CLIC4: variants seen among roughly 807,000 people sequenced by gnomAD.
The protein encoded by CLIC4 is CLIC family member 4.
Under a neutral mutation model 24.6 loss-of-function variants are expected in CLIC4, and 13 were observed. The ratio of observed to expected loss-of-function variants is 0.53; its 90% confidence interval spans 0.34 to 0.84. The LOEUF (loss-of-function observed/expected upper bound fraction) is 0.84. Ranked by LOEUF, CLIC4 falls within the 40% of genes least tolerant of loss-of-function variation. The probability of loss-of-function intolerance (pLI) is 0.01; values close to 1 mark genes in which losing one functional copy is unlikely to be tolerated. For synonymous variants in CLIC4, 104 were observed against 111.3 expected (o/e 0.93, Z 0.41); for missense variants, 227 against 301.7 (o/e 0.75, Z 1.83).
chr1:24,838,915 A>G (rs1639912036), intron 4 of CLIC4, among the ~76,000 whole-genome samples: 1 of 152,150 alleles, frequency 6.6e-6, no homozygotes, highest in African/African-American at 2.4e-5. Context: ...AATCATGACA[A>G]TCTGAATCAT....
Position 24,782,744 on chromosome 1 carries a change from C to G in CLIC4, c.73-14998C>G, listed in dbSNP as rs141825377. ...TCTGTAATCCCACCGCTTTCGGAGG[C>G]TGAGGCAGGAGGATTGCTTGAGGCC... On this transcript the variant is annotated intron_variant, in intron 1 of 5. Coordinates refer to ENST00000374379, the MANE Select transcript of CLIC4 (RefSeq NM_013943.3). 1.1e-3 allele frequency among the ~76,000 whole-genome samples: 172 copies of G among 152,274 alleles called. 1 individual carries two copies. The highest frequency in any genetic ancestry group is 3.9e-3 in the African/African-American group (163 of 41,558).
rs530881501 is a variant in CLIC4, at chr1:24,836,046, A to G, written c.416-3814A>G. On this transcript the variant is annotated intron_variant, in intron 4 of 5. Coordinates refer to ENST00000374379, the MANE Select transcript of CLIC4 (RefSeq NM_013943.3). The stretch of plus-strand genomic sequence containing the variant: ...AGGAGAGCTAAAAATGAAATAGTAT[A>G]AATACTAACCTAAAGAAAGTTGACA... Among the ~76,000 whole-genome samples, 3 of 152,358 alleles carry G rather than the reference A, an allele frequency of 2.0e-5. No individual in the cohort carries two copies. In the East Asian group the frequency reaches 5.8e-4, roughly 29 times the overall value.
intron 1 of CLIC4, among the ~76,000 whole-genome samples, chr1:24,752,636 G>A (rs1638791150): frequency 6.6e-6 from 1 of 152,182 alleles, no homozygotes; most frequent in Non-Finnish European, 1.5e-5. Flanking sequence ...TGGCAAGTGT[G>A]GTCTAACCGT....
At chr1:24,803,709 T>G (rs1321379854) in intron 2 of CLIC4, among the ~76,000 whole-genome samples, 1 of 152,174 alleles carries the variant, frequency 6.6e-6, no homozygotes, top group East Asian at 1.9e-4. Flanking sequence ...GTGAAAATAC[T>G]AAAATTGGGG....
At chr1:24,839,186 A>G (rs1487873438) in intron 4 of CLIC4, among the ~76,000 whole-genome samples, 1 of 152,210 alleles carries the variant, frequency 6.6e-6, no homozygotes, top group Non-Finnish European at 1.5e-5. Context: ...ATCTGCCTCT[A>G]AGATTTTTTT....
chr1:24,823,069 G>T (rs1000818511), intron 3 of CLIC4, among the ~76,000 whole-genome samples: 3 of 152,174 alleles, frequency 2.0e-5, no homozygotes, highest in Non-Finnish European at 4.4e-5. Context: ...CTGGAATCTA[G>T]CATTTCTAAT....
At chr1:24,774,737 G>A (rs1255600052) in intron 1 of CLIC4, among the ~76,000 whole-genome samples, 1 of 152,036 alleles carries the variant, frequency 6.6e-6, no homozygotes. Flanking sequence ...GCTGCAGTGA[G>A]AGCTGCGCTT....
intron 4 of CLIC4, among the ~76,000 whole-genome samples, chr1:24,839,590 C>T (rs1351198811): frequency 5.9e-5 from 9 of 152,312 alleles, no homozygotes; most frequent in East Asian, 1.9e-4. Flanking sequence ...TGAGCCACCG[C>T]GCCCGGCCAT....
chr1:24,769,290 T>C (rs1639045029), intron 1 of CLIC4, among the ~76,000 whole-genome samples: 3 of 152,234 alleles, frequency 2.0e-5, no homozygotes, highest in Admixed American at 6.5e-5. Flanking sequence ...TTTGTTTCCC[T>C]ACTAAAGCCA....
intron 1 of CLIC4, among the ~76,000 whole-genome samples, chr1:24,777,001 G>C (rs1639149612): frequency 1.3e-5 from 2 of 152,330 alleles, no homozygotes; most frequent in South Asian, 4.1e-4. Context: ...GGCCTCGGGA[G>C]CCGTTGAGGC....
chr1:24,822,911 A>G (rs1462581430), intron 3 of CLIC4, among the ~76,000 whole-genome samples: 1 of 152,084 alleles, frequency 6.6e-6, no homozygotes, highest in Non-Finnish European at 1.5e-5. Context: ...GTTCTAGGGC[A>G]CCCAGGGACC....
chr1:24,788,952 C>T (rs1384669929), intron 1 of CLIC4, among the ~76,000 whole-genome samples: 1 of 152,204 alleles, frequency 6.6e-6, no homozygotes. Flanking sequence ...GTGGCTCCAT[C>T]CTCACCATGC....
intron 4 of CLIC4, among the ~76,000 whole-genome samples, chr1:24,836,845 G>A (rs530988589): frequency 6.6e-6 from 1 of 151,750 alleles, no homozygotes; most frequent in Non-Finnish European, 1.5e-5. Context: ...TCTCAAAAAT[G>A]AAAAAAACAA....
intron 3 of CLIC4, 94 bp downstream of exon 3, chr1:24,814,313 GA>G: frequency 1.5e-6 from 2 of 1,339,794 alleles, no homozygotes; most frequent in East Asian, 4.6e-5. Context: ...CATTAATTTG[GA>G]ATGACTAGGA....
At chr1:24,827,826 T>A (rs1639802193) in intron 4 of CLIC4, among the ~76,000 whole-genome samples, 1 of 152,132 alleles carries the variant, frequency 6.6e-6, no homozygotes, top group Admixed American at 6.5e-5. Flanking sequence ...TTGGAAGAGG[T>A]TCCATTCAGT....
At chr1:24,751,486 G>C (rs1008720863) in intron 1 of CLIC4, among the ~76,000 whole-genome samples, 4 of 151,826 alleles carry the variant, frequency 2.6e-5, no homozygotes, top group Non-Finnish European at 4.4e-5. Context: ...TGATCCACCC[G>C]CTCGGCCTCC....
intron 1 of CLIC4, among the ~76,000 whole-genome samples, chr1:24,776,798 G>A (rs993673664): frequency 1.3e-4 from 4 of 30,478 alleles, no homozygotes; most frequent in African/African-American, 2.1e-4. Flanking sequence ...TGTAGTCCCA[G>A]CTACTCGGGA....
At chr1:24,823,728 T>C (rs925031230) in intron 3 of CLIC4, among the ~76,000 whole-genome samples, 3 of 143,432 alleles carry the variant, frequency 2.1e-5, no homozygotes, top group African/African-American at 5.2e-5. Flanking sequence ...GAGCGGAGAT[T>C]GCGCCACTGT....
intron 2 of CLIC4, among the ~76,000 whole-genome samples, chr1:24,813,444 G>T (rs921152174): frequency 1.3e-5 from 2 of 149,860 alleles, no homozygotes; most frequent in Admixed American, 6.7e-5. Flanking sequence ...TTTCTGACAG[G>T]GTTTTACTCT....
Sources: allele counts gnomAD v4.1 joint callset (sites outside exome capture counted in the v4.1 genomes callset), GRCh38; gene constraint gnomAD v4.1.1; transcripts MANE v1.5; gene names NCBI Gene and HGNC (gene_info 2026-07-23, HGNC 2026-07-21).